Variants in AGAP1 observed in about 807,000 individuals in gnomAD.
AGAP1 encodes arf-GAP with GTPase, ANK repeat and PH domain-containing protein 1.
Under a neutral mutation model 105.3 loss-of-function variants are expected in AGAP1, and 29 were observed. The ratio of observed to expected loss-of-function variants is 0.28; its 90% CI spans 0.21 to 0.38. AGAP1 has a LOEUF of 0.38. Among genes scored for constraint, AGAP1 ranks in the 10% least tolerant of loss-of-function variants. AGAP1 has a pLI of 1.00. For missense variants in AGAP1, 998 were observed against 1,165.1 expected, an observed-to-expected ratio of 0.86 and a Z score of 2.09; for synonymous variants, 509 against 485.9, an observed-to-expected ratio of 1.05 and a Z score of -0.63.
rs1030185133 is a variant in AGAP1, at chr2:236,042,537, G to A, written c.1891+1696G>A. ...AAAGTAAGAGCTTTTTTAAAAGCAC[G>A]AATCTGAGAAATATTAGAACATCCA... is the stretch of plus-strand genomic sequence containing the variant. On this transcript the variant is annotated intron_variant, in intron 15 of 17. Transcript: ENST00000304032. This position sits in a 1 kb window ranked among gnomAD's most constrained non-coding sequence, Gnocchi z 5.6. Among the ~76,000 whole-genome samples, 3 of 152,178 alleles carry A rather than the reference G, an allele frequency of 2.0e-5. No individual in the cohort carries two copies. Among genetic ancestry groups the A allele is most frequent in the Admixed American group, 6.5e-5 (1 of 15,272 alleles).
intron 9 of AGAP1, among the ~76,000 whole-genome samples, chr2:235,821,539 A>T (rs1452682964): frequency 6.6e-6 from 1 of 152,154 alleles, no homozygotes; most frequent in Non-Finnish European, 1.5e-5. Flanking sequence ...AACTTTAAAA[A>T]TTTTAACTTC....
intron 16 of AGAP1, among the ~76,000 whole-genome samples, chr2:236,112,626 T>C (rs1053898669): frequency 5.3e-5 from 8 of 152,318 alleles, no homozygotes; most frequent in Admixed American, 3.3e-4. Context: ...GGGAGTTGTA[T>C]GACGCTGGGC....
chr2:235,829,350 G>A (rs186155438), intron 9 of AGAP1, among the ~76,000 whole-genome samples: 2 of 152,376 alleles, frequency 1.3e-5, no homozygotes, highest in East Asian at 3.9e-4. Context: ...GGCAGCATTA[G>A]CAGTCGGTCA....
chr2:235,968,863 C>T (rs927550072), intron 13 of AGAP1, among the ~76,000 whole-genome samples: 4 of 152,120 alleles, frequency 2.6e-5, no homozygotes, highest in Non-Finnish European at 5.9e-5. Context: ...TCGCTGGTAG[C>T]GGGTAGGAGT....
At chr2:236,097,879 G>A (rs1171822977) in intron 16 of AGAP1, among the ~76,000 whole-genome samples, 1 of 152,020 alleles carries the variant, frequency 6.6e-6, no homozygotes, top group Non-Finnish European at 1.5e-5. Context: ...GACGACTCCC[G>A]ACTCCCGGCA....
At chr2:236,013,734 A>G (rs1360598622) in intron 13 of AGAP1, among the ~76,000 whole-genome samples, 1 of 152,228 alleles carries the variant, frequency 6.6e-6, no homozygotes, top group African/African-American at 2.4e-5. Context: ...GGTGAATGAC[A>G]GTGACCGCCA....
At chr2:235,838,394 A>T (rs1196350285) in intron 9 of AGAP1, among the ~76,000 whole-genome samples, 1 of 152,186 alleles carries the variant, frequency 6.6e-6, no homozygotes, top group Non-Finnish European at 1.5e-5. Context: ...GTAACATTTC[A>T]TATGGTAGGA....
chr2:235,625,234 C>T lies in AGAP1; in HGVS notation c.164-83945C>T, dbSNP rs1399747914. Among the ~76,000 whole-genome samples the T allele has an allele frequency of 6.6e-6, 1 of 152,322 alleles. No individual in the cohort carries two copies. The highest frequency in any genetic ancestry group is 1.9e-4 in the East Asian group (1 of 5,180). ...TCTGACTCCAGCAGTCCCCTCTGCA[C>T]ATGCCTGAACTGCTTCAGGGCACCC... On this transcript the variant is annotated intron_variant, in intron 1 of 17. Transcript: ENST00000304032. The surrounding 1 kb of genome is among the most constrained non-coding windows in gnomAD (Gnocchi z 4.0).
At position 235,586,869 on chromosome 2, in the gene AGAP1, G is replaced by A. The variant is rs1945129054; in HGVS notation, c.163+92020G>A. Among the ~76,000 whole-genome samples, 1 of 152,178 alleles carries A rather than the reference G, an allele frequency of 6.6e-6. No individual in the cohort carries two copies. Among genetic ancestry groups the A allele is most frequent in the Non-Finnish European group, 1.5e-5 (1 of 68,038 alleles). Reference sequence around the variant, plus strand: ...TTTCTTGAGGACGGGTTTTGTCGGAGTGTAGTTCATATACCATGCACAGCC... The same window carrying A: ...TTTCTTGAGGACGGGTTTTGTCGGAATGTAGTTCATATACCATGCACAGCC... On this transcript the variant is annotated intron_variant, in intron 1 of 17. Coordinates refer to ENST00000304032, the MANE Select transcript of AGAP1 (RefSeq NM_001037131.3). The surrounding 1 kb of genome is among the most constrained non-coding windows in gnomAD (Gnocchi z 4.2).
At position 236,124,348 on chromosome 2, in the gene AGAP1, AC is replaced by A; in HGVS notation, c.*227del. 1 of 590,570 alleles carries A rather than the reference AC, an allele frequency of 1.7e-6. No homozygotes were observed. Among genetic ancestry groups the A allele is most frequent in the Non-Finnish European group, 3.0e-6 (1 of 333,722 alleles). The allele number at this position is 590,570 out of a possible 1,614,324, so 36.6% of individuals were successfully genotyped here. ...CTGCAGAAGTGGCTCCTTTTCATAA[AC>A]TCCCCTAAACCACACACAGGAGAGA... On this transcript the variant is annotated 3_prime_UTR_variant, in exon 18 of 18. Transcript: ENST00000304032. This position sits in a 1 kb window ranked among gnomAD's most constrained non-coding sequence, Gnocchi z 5.1.
intron 1 of AGAP1, among the ~76,000 whole-genome samples, chr2:235,544,260 G>T (rs149135049): frequency 1.3e-5 from 2 of 152,276 alleles, no homozygotes; most frequent in Admixed American, 6.5e-5. Flanking sequence ...TGGTCAGGCG[G>T]TGTGGCAGGA....
At chr2:236,004,177 T>C (rs2056235915) in intron 13 of AGAP1, among the ~76,000 whole-genome samples, 1 of 152,222 alleles carries the variant, frequency 6.6e-6, no homozygotes, top group African/African-American at 2.4e-5. Context: ...CTCCTGACTG[T>C]GGCAGTTGGG....
At chr2:235,495,025 C>CCCGCCGCGCCGCGAGCT (rs1941251777) in intron 1 of AGAP1, among the ~76,000 whole-genome samples, 176 bp downstream of exon 1, 5 of 152,098 alleles carry the variant, frequency 3.3e-5, no homozygotes, top group Non-Finnish European at 7.4e-5. Flanking sequence ...TCGCCTGCGC[C>CCCGCCGCGCCGCGAGCT]CCGCCGCGCC....
rs530305625 is a variant in AGAP1, at chr2:235,696,865, T to C, written c.164-12314T>C. Among the ~76,000 whole-genome samples, 11 of 152,096 alleles carry C rather than the reference T, an allele frequency of 7.2e-5. No individual in the cohort carries two copies. In the South Asian group the frequency reaches 2.3e-3, roughly 32 times the overall value. ...TGGGTGTGGTGGCACACGTCTGTAA[T>C]CCTAGCTACTCGGGAGGCTGAGGCT... is the stretch of plus-strand genomic sequence containing the variant. On this transcript the variant is annotated intron_variant, in intron 1 of 17. Coordinates refer to ENST00000304032, the MANE Select transcript of AGAP1 (RefSeq NM_001037131.3).
At chr2:235,537,313 C>T (rs542658603) in intron 1 of AGAP1, among the ~76,000 whole-genome samples, 1 of 152,276 alleles carries the variant, frequency 6.6e-6, no homozygotes, top group East Asian at 1.9e-4. Context: ...ATGGTGGGTG[C>T]TGCTTCCAGG....
intron 16 of AGAP1, among the ~76,000 whole-genome samples, chr2:236,074,060 G>GT (rs1428694495): frequency 6.6e-6 from 1 of 152,244 alleles, no homozygotes; most frequent in Non-Finnish European, 1.5e-5. Context: ...CGTGGTGGGG[G>GT]GCTGGGGAGC....
In AGAP1 at chr2:235,964,325, C is replaced by T. The variant is rs532152472; in HGVS notation, c.1484-4137C>T. Among the ~76,000 whole-genome samples, 115 of 152,020 alleles carry T rather than the reference C, an allele frequency of 7.6e-4. No homozygotes were observed. Among genetic ancestry groups the T allele is most frequent in the Non-Finnish European group, 1.1e-3 (76 of 68,004 alleles). On this transcript the variant is annotated intron_variant, in intron 12 of 17. Transcript: ENST00000304032. The surrounding 1 kb of genome is among the most constrained non-coding windows in gnomAD (Gnocchi z 4.6). The stretch of plus-strand genomic sequence containing the variant: ...GGCCCCTGGCAGCCGAGGAGAGTTG[C>T]GTTTGCCTGTTCTGCTTATCTCCCT...
chr2:235,873,322 C>A (rs1057153297), intron 9 of AGAP1, among the ~76,000 whole-genome samples: 1 of 152,216 alleles, frequency 6.6e-6, no homozygotes, highest in Admixed American at 6.5e-5. Context: ...CATTTGTAGT[C>A]CAATTGAACC....
Position 235,879,999 on chromosome 2 carries a change from C to G in AGAP1, c.1051-3346C>G, listed in dbSNP as rs569177554. 2.0e-5 allele frequency among the ~76,000 whole-genome samples: 3 copies of G among 151,106 alleles called. No individual in the cohort carries two copies. Among genetic ancestry groups the G allele is most frequent in the Admixed American group, 1.3e-4 (2 of 15,200 alleles). On this transcript the variant is annotated intron_variant, in intron 9 of 17. Transcript: ENST00000304032. The surrounding 1 kb of genome is among the most constrained non-coding windows in gnomAD (Gnocchi z 5.0). ...GATGGCACACGCCTGTAGTCCCAAG[C>G]TACTCAGGAGGAAGGAGGGAGGATC...
Sources: gnomAD v4.1 joint callset for allele counts (sites outside exome capture counted in the v4.1 genomes callset) on GRCh38, gnomAD v4.1.1 for gene constraint, Gnocchi (gnomAD v3.1) non-coding constraint, MANE v1.5 for transcripts, NCBI Gene and HGNC (gene_info 2026-07-23, HGNC 2026-07-21) for gene names.